Variants in TMEM132D observed in about 807,000 individuals in gnomAD.
The protein encoded by TMEM132D is transmembrane protein 132D.
Under a neutral mutation model 62.3 loss-of-function variants are expected in TMEM132D, and 21 were observed. That is an observed-to-expected ratio of 0.34 (90% CI 0.24 to 0.49). The LOEUF is 0.49. TMEM132D is among the 20% of genes least tolerant of loss of function. The probability of loss-of-function intolerance (pLI) is 0.99; values close to 1 mark genes in which losing one functional copy is unlikely to be tolerated. For synonymous variants in TMEM132D, 621 were observed against 575.6 expected, an observed-to-expected ratio of 1.08 and a Z score of -1.13; for missense variants, 1,346 against 1,402.8, an observed-to-expected ratio of 0.96 and a Z score of 0.65.
chr12:129,888,991 G>A (rs1874835252), intron 1 of TMEM132D, among the ~76,000 whole-genome samples: 1 of 152,184 alleles, frequency 6.6e-6, no homozygotes, highest in African/African-American at 2.4e-5. Flanking sequence ...TCTTATAAGA[G>A]GCAGGCCCAG....
At chr12:129,415,438 G>A (rs184172259) in intron 3 of TMEM132D, among the ~76,000 whole-genome samples, 182 of 152,262 alleles carry the variant, frequency 1.2e-3, no homozygotes, top group African/African-American at 4.2e-3. Context: ...TGTCCAGGCC[G>A]AAAAGAAGTT....
At chr12:129,204,937 A>C (rs1878802187) in intron 5 of TMEM132D, among the ~76,000 whole-genome samples, 1 of 152,228 alleles carries the variant, frequency 6.6e-6, no homozygotes, top group Non-Finnish European at 1.5e-5. Context: ...TTCATAAGTG[A>C]AGGAGAAATA....
At chr12:129,599,155 T>G (rs61943510) in intron 2 of TMEM132D, among the ~76,000 whole-genome samples, 9,238 of 152,224 alleles carry the variant, frequency 0.061, 426 homozygotes, top group South Asian at 0.17. Context: ...TTTATGGCTG[T>G]GGCTCTGTTT....
chr12:129,712,624 C>G (rs1450240524), intron 1 of TMEM132D, among the ~76,000 whole-genome samples: 1 of 152,164 alleles, frequency 6.6e-6, no homozygotes, highest in Non-Finnish European at 1.5e-5. Flanking sequence ...ATGGCTGGCG[C>G]TACCAAGAAA....
At chr12:129,609,737 G>A (rs943417774) in intron 2 of TMEM132D, among the ~76,000 whole-genome samples, 1 of 152,122 alleles carries the variant, frequency 6.6e-6, no homozygotes, top group East Asian at 1.9e-4. Flanking sequence ...TCAGATGCCC[G>A]CCTTTCTGAG....
intron 1 of TMEM132D, among the ~76,000 whole-genome samples, chr12:129,702,019 A>G (rs1881397336): frequency 1.3e-5 from 2 of 152,348 alleles, no homozygotes; most frequent in South Asian, 4.1e-4. Flanking sequence ...ACCCATTGGT[A>G]GCATGAGGGG....
intron 4 of TMEM132D, among the ~76,000 whole-genome samples, chr12:129,293,294 A>G (rs1299572089): frequency 1.3e-5 from 2 of 152,176 alleles, no homozygotes; most frequent in African/African-American, 4.8e-5. Context: ...GAGCCAATGC[A>G]TTAAAGCCAG....
intron 3 of TMEM132D, among the ~76,000 whole-genome samples, chr12:129,345,077 T>G (rs1306299844): frequency 6.6e-6 from 1 of 152,180 alleles, no homozygotes; most frequent in Non-Finnish European, 1.5e-5. Context: ...CAAACTGGCT[T>G]TGCTCATCCA....
chr12:129,663,652 G>A (rs1003953105), intron 2 of TMEM132D, among the ~76,000 whole-genome samples: 2 of 152,194 alleles, frequency 1.3e-5, no homozygotes, highest in Non-Finnish European at 1.5e-5. Flanking sequence ...TGGATGTTGG[G>A]AACTGTTGGA....
At chr12:129,470,805 CT>C (rs1268594840) in intron 3 of TMEM132D, among the ~76,000 whole-genome samples, 2 of 152,166 alleles carry the variant, frequency 1.3e-5, no homozygotes, top group African/African-American at 2.4e-5. Context: ...GTCACAGCAC[CT>C]TTTGTCCTTA....
At chr12:129,188,008 T>C (rs1184405766) in intron 5 of TMEM132D, among the ~76,000 whole-genome samples, 1 of 152,250 alleles carries the variant, frequency 6.6e-6, no homozygotes, top group African/African-American at 2.4e-5. Flanking sequence ...ATATATGTTG[T>C]CTTAACATGA....
intron 4 of TMEM132D, among the ~76,000 whole-genome samples, chr12:129,302,490 C>T (rs909502885): frequency 7.9e-5 from 12 of 152,264 alleles, no homozygotes; most frequent in Non-Finnish European, 1.3e-4. Context: ...GCACACAACA[C>T]GAAGCTCACC....
intron 7 of TMEM132D, among the ~76,000 whole-genome samples, chr12:129,080,648 A>G (rs1208241757): frequency 1.3e-5 from 2 of 152,164 alleles, no homozygotes; most frequent in African/African-American, 2.4e-5. Context: ...TTGCCTGCAG[A>G]TGGGGCAGCT....
Position 129,903,540 on chromosome 12 carries a change from G to A in TMEM132D, c.-201C>T. On this transcript the variant is annotated 5_prime_UTR_variant, in exon 1 of 9. Coordinates refer to ENST00000422113, the MANE Select transcript of TMEM132D (RefSeq NM_133448.3). The surrounding 1 kb of genome is among the most constrained non-coding windows in gnomAD (Gnocchi z 6.2). ...AGGCGACGACCGCGCGGGCTCCTGAGTTGCTCTCCGGAGTCCAACACGCGC... is the reference window on the plus strand; with the variant it reads ...AGGCGACGACCGCGCGGGCTCCTGAATTGCTCTCCGGAGTCCAACACGCGC... 2 of 588,910 alleles carry A rather than the reference G, an allele frequency of 3.4e-6. No homozygotes were observed. The highest frequency in any genetic ancestry group is 2.1e-5 in the South Asian group (1 of 48,656). The allele number at this position is 588,910 out of a possible 1,614,324, so 36.5% of individuals were successfully genotyped here. A position where few individuals can be genotyped will look rare whatever the true frequency, so the allele number is the denominator to read the frequency against.
rs145944981 is a variant in TMEM132D at position 129,800,863 on chromosome 12, G to A, written c.80-100165C>T. Among the ~76,000 whole-genome samples the A allele has an allele frequency of 8.7e-3, 1,332 of 152,266 alleles. 18 individuals carry two copies. Among genetic ancestry groups the A allele is most frequent in the African/African-American group, 0.03 (1,241 of 41,566 alleles). On this transcript the variant is annotated intron_variant, in intron 1 of 8. Transcript: ENST00000422113. ...GCACAGCTCAGTGGGTGCGCGCACC[G>A]TGCACCAGCCGAAGCAGGGCGAGGC...
intron 3 of TMEM132D, among the ~76,000 whole-genome samples, chr12:129,525,471 ACT>A (rs1351982272): frequency 4.0e-5 from 6 of 151,278 alleles, no homozygotes; most frequent in South Asian, 2.1e-4. Context: ...TTAAATTTAG[ACT>A]CTGGAAATAA....
intron 2 of TMEM132D, among the ~76,000 whole-genome samples, chr12:129,644,944 C>T (rs1331252912): frequency 6.8e-6 from 1 of 146,978 alleles, no homozygotes; most frequent in Non-Finnish European, 1.5e-5. Flanking sequence ...CGAGATCGCG[C>T]CACTGCACTC....
At chr12:129,347,651 C>CAA (rs1464908828) in intron 3 of TMEM132D, among the ~76,000 whole-genome samples, 1 of 152,132 alleles carries the variant, frequency 6.6e-6, no homozygotes, top group African/African-American at 2.4e-5. Flanking sequence ...CAGGCATAGG[C>CAA]AAAGACTTCA....
intron 2 of TMEM132D, among the ~76,000 whole-genome samples, chr12:129,619,413 G>A (rs1879005392): frequency 6.6e-6 from 1 of 152,158 alleles, no homozygotes; most frequent in South Asian, 2.1e-4. Context: ...TTAAATGCAT[G>A]TGCAGAAATG....
Sources: allele counts gnomAD v4.1 joint callset (sites outside exome capture counted in the v4.1 genomes callset), GRCh38; gene constraint gnomAD v4.1.1; non-coding constraint Gnocchi (gnomAD v3.1); transcripts MANE v1.5; gene names NCBI Gene and HGNC (gene_info 2026-07-23, HGNC 2026-07-21).